The following CHRNA2 variants were observed in gnomAD, a reference collection of about 807,000 sequenced individuals.
The protein encoded by CHRNA2 is neuronal acetylcholine receptor subunit alpha-2.
Under a neutral mutation model 45.5 loss-of-function variants are expected in CHRNA2, and 40 were observed. The ratio of observed to expected loss-of-function variants is 0.88; its 90% CI spans 0.68 to 1.15. The LOEUF (loss-of-function observed/expected upper bound fraction) is 1.15. Ranked by LOEUF, CHRNA2 falls within the 50% of genes most tolerant of loss-of-function variation. The probability of loss-of-function intolerance (pLI) is 0.00; values close to 1 mark genes in which losing one functional copy is unlikely to be tolerated. For missense variants in CHRNA2, 655 were observed against 701.7 expected (o/e 0.93, Z 0.75); for synonymous variants, 301 against 296.7 (o/e 1.01, Z -0.15).
intron 6 of CHRNA2, among the ~76,000 whole-genome samples, chr8:27,462,262 T>C (rs900181169): frequency 2.0e-5 from 3 of 152,224 alleles, no homozygotes; most frequent in South Asian, 2.1e-4. Flanking sequence ...CAAGGGAGCC[T>C]GGATTCTCCA....
chr8:27,461,181 C>A lies in CHRNA2; in HGVS notation c.*448G>T. 1 of 196,972 alleles carries A rather than the reference C, an allele frequency of 5.1e-6. No individual in the cohort carries two copies. The allele number at this position is 196,972 out of a possible 1,614,324, so 12.2% of individuals were successfully genotyped here. ...TGGCTGTTCTCCCTGGCACTTTGGGCTCATCTCCAAATCTAAACATTGTTC... is the reference window on the plus strand; with the variant it reads ...TGGCTGTTCTCCCTGGCACTTTGGGATCATCTCCAAATCTAAACATTGTTC... On this transcript the variant is annotated 3_prime_UTR_variant, in exon 7 of 7. Transcript: ENST00000407991.
intron 1 of CHRNA2, among the ~76,000 whole-genome samples, chr8:27,471,831 C>G (rs1407562978): frequency 2.0e-5 from 3 of 152,208 alleles, no homozygotes; most frequent in Admixed American, 1.3e-4. Flanking sequence ...AAAATGATAT[C>G]TTTTTGCATG....
intron 1 of CHRNA2, among the ~76,000 whole-genome samples, chr8:27,471,584 A>C (rs563812964): frequency 6.6e-6 from 1 of 152,382 alleles, no homozygotes; most frequent in African/African-American, 2.4e-5. Flanking sequence ...ACAAATGTCC[A>C]TCAGCTGATG....
At chr8:27,467,176 G>T in intron 5 of CHRNA2, 53 bp downstream of exon 5, 2 of 1,417,062 alleles carry the variant, frequency 1.4e-6, no homozygotes, top group African/African-American at 1.4e-5. Context: ...CATGGACCCG[G>T]CCCCTGCAAG....
rs752321195 is a variant in CHRNA2 at position 27,463,519 on chromosome 8, G to A, written c.924C>T (p.Thr308=). 13 of 1,614,218 alleles carry A rather than the reference G, an allele frequency of 8.1e-6. No homozygotes were observed. Among genetic ancestry groups the A allele is most frequent in the Admixed American group, 5.0e-5 (3 of 60,036 alleles). ...TLCISVLLSL[T]VFLLLITEII... ...TCTCAGTGATGAGCAGCAGGAAGAC[G>A]GTGAGTGACAGCAGCACCGAAATGC... is the stretch of plus-strand genomic sequence containing the variant. Residue 308 remains threonine (T), a synonymous_variant, in exon 6 of 7, where the codon ACC becomes ACT. Transcript: ENST00000407991. This position sits in a 1 kb window ranked among gnomAD's most constrained non-coding sequence, Gnocchi z 6.1.
Position 27,479,254 on chromosome 8 carries a change from A to T in CHRNA2, c.-567T>A, listed in dbSNP as rs989063154. ...ACGCTGTTCTCTCTCTCTCTCACAC[A>T]CACACACACATACACACACACACAC... On this transcript the variant is annotated 5_prime_UTR_variant, in exon 1 of 7. Coordinates refer to ENST00000407991, the MANE Select transcript of CHRNA2 (RefSeq NM_000742.4). 18 of 143,434 alleles carry T rather than the reference A, an allele frequency of 1.3e-4. No homozygotes were observed. The highest frequency in any genetic ancestry group is 2.0e-4 in the Non-Finnish European group (13 of 65,200). 8.9% of individuals were successfully genotyped at this position (143,434 alleles called of 1,614,324 possible).
At chr8:27,470,331 G>T (rs908029922) in intron 2 of CHRNA2, among the ~76,000 whole-genome samples, 4 of 152,186 alleles carry the variant, frequency 2.6e-5, no homozygotes, top group African/African-American at 9.7e-5. Context: ...TGGCGGGGCT[G>T]CAGGGAGAAG....
chr8:27,470,762 G>C (rs1318183500), intron 2 of CHRNA2, among the ~76,000 whole-genome samples: 1 of 152,244 alleles, frequency 6.6e-6, no homozygotes, highest in Non-Finnish European at 1.5e-5. Context: ...TTTTGCAGCT[G>C]AGGACATTGA....
chr8:27,469,798 A>T lies in CHRNA2; in HGVS notation c.257T>A (p.Val86Glu), dbSNP rs749670139. ...PVPNTSDVVI[V>E]RFGLSIAQLI... ...CTGAGCGATGGACAGTCCAAAGCGC[A>T]CAATCACCACGTCTGAAGTGTTGGG... is the stretch of plus-strand genomic sequence containing the variant. Residue 86 changes from valine to glutamate, a missense_variant, in exon 3 of 7, where the codon GTG (valine) becomes GAG (glutamate). By Grantham distance (121) the Val-to-Glu change is moderately radical. Transcript: ENST00000407991. 1.9e-6 allele frequency: 3 copies of T among 1,614,080 alleles called. No individual in the cohort carries two copies. The East Asian group carries it at 6.7e-5, about 36-fold the overall frequency.
chr8:27,467,407 C>T lies in CHRNA2; in HGVS notation c.340-69G>A, dbSNP rs55698463. 1.3e-3 allele frequency: 1,630 copies of T among 1,257,426 alleles called. 2 individuals carry two copies. Among genetic ancestry groups the T allele is most frequent in the Non-Finnish European group, 1.7e-3 (1,493 of 867,134 alleles). 77.9% of individuals were successfully genotyped at this position (1,257,426 alleles called of 1,614,324 possible). ...CAGCCTAGGGCAAAGCTAGCACACC[C>T]CGGGGATGCCCAGAATTGGGCCAAG... On this transcript the variant is annotated intron_variant, in intron 4 of 6. Coordinates refer to ENST00000407991, the MANE Select transcript of CHRNA2 (RefSeq NM_000742.4).
rs543704306 is a variant in CHRNA2 at position 27,467,120 on chromosome 8, G to A, written c.449+109C>T. The A allele has an allele frequency of 2.1e-5, 16 of 773,396 alleles. 1 individual carries two copies. The Admixed American group carries it at 2.1e-4, about 10-fold the overall frequency. The allele number at this position is 773,396 out of a possible 1,614,324, so 47.9% of individuals were successfully genotyped here. A position where few individuals can be genotyped will look rare whatever the true frequency, so the allele number is the denominator to read the frequency against. On this transcript the variant is annotated intron_variant, in intron 5 of 6. Coordinates refer to ENST00000407991, the MANE Select transcript of CHRNA2 (RefSeq NM_000742.4). ...GGGAGGCATGCTCAGCACAGCAGTC[G>A]AGAAGGAGGCGAGGAAGCTGACACC...
intron 5 of CHRNA2, among the ~76,000 whole-genome samples, chr8:27,464,820 G>A (rs1300365091): frequency 6.6e-6 from 1 of 152,112 alleles, no homozygotes. Context: ...GCTAGGGCCT[G>A]TACCAGAGCT....
chr8:27,463,129 G>A lies in CHRNA2; in HGVS notation c.1314C>T (p.Ser438=). ...AGGCCCCAGAGTGCAGGTGGCCGTG[G>A]CTGCAGAGGGTGCCCACAGAGGGGG... ...HVAPSVGTLC[S]HGHLHSGASG... The change falls in exon 6 of 7, where the codon AGC becomes AGT. Residue 438 remains serine, a synonymous_variant. Coordinates refer to ENST00000407991, the MANE Select transcript of CHRNA2 (RefSeq NM_000742.4). The surrounding 1 kb of genome is among the most constrained non-coding windows in gnomAD (Gnocchi z 6.1). 6.2e-7 allele frequency: 1 copy of A among 1,606,518 alleles called. No individual in the cohort carries two copies. The highest frequency in any genetic ancestry group is 8.5e-7 in the Non-Finnish European group (1 of 1,173,818).
In CHRNA2 at chr8:27,461,064, C is replaced by A; in HGVS notation, c.*565G>T. ...ATTACTCCCCTGCTGGACCATACAG[C>A]TCAGCACCCTGCAAACTCGGACAGA... is the stretch of plus-strand genomic sequence containing the variant. On this transcript the variant is annotated 3_prime_UTR_variant, in exon 7 of 7. Transcript: ENST00000407991. 5.7e-6 allele frequency: 1 copy of A among 174,860 alleles called. No individual in the cohort carries two copies. The highest frequency in any genetic ancestry group is 1.2e-5 in the Non-Finnish European group (1 of 80,638). The allele number at this position is 174,860 out of a possible 1,614,324, so 10.8% of individuals were successfully genotyped here.
chr8:27,473,311 C>T (rs185724958), intron 1 of CHRNA2, among the ~76,000 whole-genome samples: 166 of 152,136 alleles, frequency 1.1e-3, no homozygotes, highest in African/African-American at 3.6e-3. Context: ...GCACACTGTT[C>T]GAATTGTACT....
At chr8:27,476,066 T>A (rs1813051273) in intron 1 of CHRNA2, among the ~76,000 whole-genome samples, 1 of 152,232 alleles carries the variant, frequency 6.6e-6, no homozygotes, top group Non-Finnish European at 1.5e-5. Flanking sequence ...ACATTTGCAT[T>A]CATAGTGTGA....
rs549497066 is a variant in CHRNA2, at chr8:27,465,943, G to A, written c.449+1286C>T. On this transcript the variant is annotated intron_variant, in intron 5 of 6. Transcript: ENST00000407991. ...ACCAACATTTCTTGTAATAAATCAG[G>A]TAACACCGGCTGAAGTCTTATTGGA... 2.6e-5 allele frequency among the ~76,000 whole-genome samples: 4 copies of A among 152,236 alleles called. No individual in the cohort carries two copies. In the South Asian group the frequency reaches 8.3e-4, roughly 32 times the overall value.
At chr8:27,474,333 A>G (rs1812995872) in intron 1 of CHRNA2, among the ~76,000 whole-genome samples, 1 of 152,172 alleles carries the variant, frequency 6.6e-6, no homozygotes, top group African/African-American at 2.4e-5. Context: ...GAAGGTTTCA[A>G]TTCAAAGACT....
Position 27,461,740 on chromosome 8 carries a change from C to A in CHRNA2, c.1479G>T (p.Trp493Cys). ...TGTCGATGACCATGGCAACATACTT[C>A]CAGTCCTCCTTCACCTGTGGGGAAG... ...EDADSSVKED[W>C]KYVAMVIDRI... is the part of the protein sequence containing the mutation. Residue 493 changes from tryptophan (W) to cysteine (C), a missense_variant, in exon 7 of 7, where the codon TGG becomes TGT. Transcript: ENST00000407991. The A allele has an allele frequency of 6.2e-7, 1 of 1,614,164 alleles. No homozygotes were observed. The highest frequency in any genetic ancestry group is 8.5e-7 in the Non-Finnish European group (1 of 1,179,996).
Sources: gnomAD v4.1 joint callset for allele counts (sites outside exome capture counted in the v4.1 genomes callset) on GRCh38, gnomAD v4.1.1 for gene constraint, Gnocchi (gnomAD v3.1) non-coding constraint, MANE v1.5 for transcripts, NCBI Gene and HGNC (gene_info 2026-07-23, HGNC 2026-07-21) for gene names.